The following DUSP15 variants were observed in gnomAD, a reference collection of about 807,000 sequenced individuals.
DUSP15 encodes dual specificity phosphatase 15.
DUSP15 carries 23 observed loss-of-function variants against 26.3 expected under a neutral mutation model. That is an observed-to-expected ratio of 0.87 (90% CI 0.63 to 1.24). The LOEUF is 1.24. Ranked by LOEUF, DUSP15 falls within the 50% of genes most tolerant of loss-of-function variation. The pLI, the probability that DUSP15 is intolerant of heterozygous loss-of-function variation, is 0.00. For synonymous variants in DUSP15, 143 were observed against 135.5 expected (o/e 1.06, Z -0.39); for missense variants, 364 against 320.6 (o/e 1.14, Z -1.03).
At chr20:31,853,488 T>C (rs1047366648) in intron 6 of DUSP15, among the ~76,000 whole-genome samples, 2 of 151,764 alleles carry the variant, frequency 1.3e-5, no homozygotes, top group Non-Finnish European at 2.9e-5. Context: ...TTTCTTAAAA[T>C]GTAAAAGGAG....
intron 6 of DUSP15, among the ~76,000 whole-genome samples, chr20:31,855,457 G>T (rs1253260181): frequency 6.6e-6 from 1 of 152,070 alleles, no homozygotes; most frequent in Non-Finnish European, 1.5e-5. Context: ...AATTAAGGAG[G>T]AAGAGATAAG....
rs752601342 is a variant in DUSP15, at chr20:31,861,414, C to G, written c.697G>C (p.Gly233Arg). Residue 233 changes from glycine to arginine, a missense_variant, in exon 7 of 7, where the codon GGC (glycine) becomes CGC (arginine). Gly to Arg is a moderately radical substitution (Grantham distance 125). Transcript: ENST00000339738. ...GCTGGACTGCATCCTCACTTGCCGC[C>G]CTTGCGGGACAGACACCGGGGGAGG... is the stretch of plus-strand genomic sequence containing the variant. ...SCLPRCLSRK[G>R]GK is the part of the protein sequence containing the mutation. 1.3e-6 allele frequency: 2 copies of G among 1,558,250 alleles called. No individual in the cohort carries two copies. Among genetic ancestry groups the G allele is most frequent in the Non-Finnish European group, 1.7e-6 (2 of 1,162,406 alleles).
intron 8 of DUSP15, among the ~76,000 whole-genome samples, chr20:31,849,321 G>GC (rs1021482968): frequency 6.6e-6 from 1 of 151,918 alleles, no homozygotes; most frequent in Non-Finnish European, 1.5e-5. Context: ...CCGTATATGT[G>GC]CCCCCAGCCC....
chr20:31,853,738 C>T (rs2062513342), intron 6 of DUSP15, among the ~76,000 whole-genome samples: 1 of 151,684 alleles, frequency 6.6e-6, no homozygotes, highest in South Asian at 2.1e-4. Context: ...GCTGGGACTA[C>T]AGGCGCACCC....
At chr20:31,847,221 T>A, downstream of DUSP15, among the ~76,000 whole-genome samples, 1 of 152,160 alleles carries the variant, frequency 6.6e-6, no homozygotes, top group East Asian at 1.9e-4. Flanking sequence ...GTAAGTAAAT[T>A]CCCTGATGTC....
At chr20:31,855,275 G>A (rs2062542292) in intron 6 of DUSP15, among the ~76,000 whole-genome samples, 1 of 152,140 alleles carries the variant, frequency 6.6e-6, no homozygotes. Context: ...TGGGTGGTTG[G>A]GGGGCAACTT....
upstream of DUSP15, chr20:31,870,604 G>T (rs747978098): frequency 7.3e-7 from 1 of 1,379,006 alleles, no homozygotes; most frequent in South Asian, 1.7e-5. This position sits in a 1 kb window ranked among gnomAD's most constrained non-coding sequence, Gnocchi z 6.6. Context: ...CCCCCGCCTC[G>T]GGTCGCGGCG....
At position 31,849,763 on chromosome 20, in the gene DUSP15, C is replaced by T. The variant is rs531028921; in HGVS notation, c.603G>A (p.Leu201=). Residue 201 remains leucine (L), a synonymous_variant, in exon 8 of 10, where the codon CTG becomes CTA. Transcript: ENST00000278979. ...CTGCTGCAACGTGAGGTGGCGGCCC[C>T]AGCAGGCGCTCGGCGGCCGCCCGCG... 5 of 1,540,476 alleles carry T rather than the reference C, an allele frequency of 3.2e-6. No homozygotes were observed. In the South Asian group the frequency reaches 4.7e-5, roughly 15 times the overall value.
intron 6 of DUSP15, among the ~76,000 whole-genome samples, chr20:31,862,038 G>A (rs2062672082): frequency 6.6e-6 from 1 of 152,002 alleles, no homozygotes; most frequent in African/African-American, 2.4e-5. Flanking sequence ...CATTCCCACA[G>A]ATTTCTTCCT....
chr20:31,854,361 T>G (rs1351827718), intron 6 of DUSP15, among the ~76,000 whole-genome samples: 1 of 152,058 alleles, frequency 6.6e-6, no homozygotes, highest in Non-Finnish European at 1.5e-5. Context: ...CCTCGTGAGG[T>G]TGGGGTGGGT....
downstream of DUSP15, among the ~76,000 whole-genome samples, chr20:31,858,552 T>C (rs563356230): frequency 1.6e-4 from 25 of 152,360 alleles, no homozygotes; most frequent in South Asian, 3.1e-3. The surrounding 1 kb of genome is among the most constrained non-coding windows in gnomAD (Gnocchi z 4.4). Flanking sequence ...CTGGAGGGCA[T>C]TGATCCTCTT....
chr20:31,849,734 G>T, intron 8 of DUSP15: 1 of 1,539,190 alleles, frequency 6.5e-7, no homozygotes, highest in South Asian at 1.2e-5. Context: ...TCGGGGAAGC[G>T]AACCTGCTGC....
exon 8 of DUSP15, chr20:31,849,841 T>C: frequency 6.6e-7 from 1 of 1,523,910 alleles, no homozygotes; most frequent in Non-Finnish European, 8.7e-7. Flanking sequence ...GCACCAGCGC[T>C]GCGGAGAGAA....
downstream of DUSP15, among the ~76,000 whole-genome samples, chr20:31,847,327 G>A (rs986531207): frequency 5.9e-5 from 9 of 152,108 alleles, no homozygotes; most frequent in African/African-American, 4.8e-5. Flanking sequence ...GCGGAGAGTC[G>A]CTGGGTCCCC....
At position 31,861,456 on chromosome 20, in the gene DUSP15, T is replaced by C. The variant is rs1230791384; in HGVS notation, c.655A>G (p.Lys219Glu). Residue 219 changes from lysine to glutamate, a missense_variant, in exon 7 of 7, where the codon AAG becomes GAG. Coordinates refer to ENST00000339738, the MANE Select transcript of DUSP15 (RefSeq NM_080611.5). The part of the protein sequence containing the change: ...HRPLPLLARV[K>E]QTFSCLPRCL... ...CGGGGGAGGCAAGAGAAAGTCTGCT[T>C]GACGCGCGCCAGCAGCGGCAGCGGC... 4 of 1,556,644 alleles carry C rather than the reference T, an allele frequency of 2.6e-6. No homozygotes were observed. The highest frequency in any genetic ancestry group is 3.4e-6 in the Non-Finnish European group (4 of 1,161,894).
intron 2 of DUSP15, among the ~76,000 whole-genome samples, chr20:31,868,768 C>T (rs889609788): frequency 3.9e-4 from 60 of 152,358 alleles, no homozygotes; most frequent in African/African-American, 1.4e-3. Flanking sequence ...GCGTGAGCCA[C>T]TGCGCCCAGC....
chr20:31,849,851 A>C, exon 8 of DUSP15: 1 of 1,517,788 alleles, frequency 6.6e-7, no homozygotes, highest in South Asian at 1.3e-5. Context: ...TGCGGAGAGA[A>C]GAGCCACACG....
chr20:31,869,425 CT>C, intron 2 of DUSP15, 138 bp downstream of exon 2: 16 of 1,197,948 alleles, frequency 1.3e-5, no homozygotes, highest in Non-Finnish European at 1.9e-5. Flanking sequence ...CTCCATCAGC[CT>C]TTTCCCCCTC....
chr20:31,858,415 C>T (rs2062597284), downstream of DUSP15, among the ~76,000 whole-genome samples: 1 of 152,202 alleles, frequency 6.6e-6, no homozygotes, highest in Non-Finnish European at 1.5e-5. The surrounding 1 kb of genome is among the most constrained non-coding windows in gnomAD (Gnocchi z 4.4). Context: ...GGCCTGGGGA[C>T]TACGGGCCAC....
Sources: allele counts gnomAD v4.1 joint callset (sites outside exome capture counted in the v4.1 genomes callset), GRCh38; gene constraint gnomAD v4.1.1; non-coding constraint Gnocchi (gnomAD v3.1); transcripts MANE v1.5; gene names NCBI Gene and HGNC (gene_info 2026-07-23, HGNC 2026-07-21).